The following CBLN2 variants were observed in gnomAD, a reference collection of about 807,000 sequenced individuals.
CBLN2 encodes the protein cerebellin 2 precursor.
CBLN2 carries 7 observed loss-of-function variants against 15.0 expected under a neutral mutation model. The ratio of observed to expected loss-of-function variants is 0.47; its 90% CI spans 0.27 to 0.88. CBLN2 has a LOEUF of 0.88. Ranked by LOEUF, CBLN2 falls within the 40% of genes least tolerant of loss-of-function variation. CBLN2 has a pLI of 0.14. For missense variants in CBLN2, 242 were observed against 304.5 expected (o/e 0.79, Z 1.53); for synonymous variants, 149 against 135.2 (o/e 1.10, Z -0.71).
intron 1 of CBLN2, among the ~76,000 whole-genome samples, chr18:72,555,600 CT>C (rs1001240890): frequency 1.3e-5 from 2 of 152,118 alleles, no homozygotes; most frequent in African/African-American, 4.8e-5. Context: ...CAGTAATCTA[CT>C]TTTTCCATTT....
intron 1 of CBLN2, among the ~76,000 whole-genome samples, chr18:72,592,314 C>T (rs2069485046): frequency 6.6e-6 from 1 of 151,706 alleles, no homozygotes. Flanking sequence ...TTTAAATATC[C>T]ATCCAGATCT....
chr18:72,611,736 CT>C (rs1469083061), intron 1 of CBLN2, among the ~76,000 whole-genome samples: 4 of 152,136 alleles, frequency 2.6e-5, no homozygotes, highest in African/African-American at 9.7e-5. Context: ...GGCAGAAGCT[CT>C]TTAGTTTAAT....
At chr18:72,608,790 T>A (rs1351289919) in intron 1 of CBLN2, among the ~76,000 whole-genome samples, 2 of 152,112 alleles carry the variant, frequency 1.3e-5, no homozygotes, top group Non-Finnish European at 2.9e-5. Context: ...GGGTAACCTA[T>A]AAAGGAAAGA....
chr18:72,538,010 A>C lies in CBLN2; in HGVS notation c.*166T>G. On this transcript the variant is annotated 3_prime_UTR_variant, in exon 5 of 5. Transcript: ENST00000269503. ...CCGAGGAATTGTCAGTATTCCAAAAAACAAAAACAAAAGTACTGGAGGTTT... is the reference window on the plus strand; with the variant it reads ...CCGAGGAATTGTCAGTATTCCAAAACACAAAAACAAAAGTACTGGAGGTTT... 1 of 688,944 alleles carries C rather than the reference A, an allele frequency of 1.5e-6. No homozygotes were observed. Among genetic ancestry groups the C allele is most frequent in the Non-Finnish European group, 2.4e-6 (1 of 410,382 alleles). The allele number at this position is 688,944 out of a possible 1,614,324, so 42.7% of individuals were successfully genotyped here.
intron 1 of CBLN2, among the ~76,000 whole-genome samples, chr18:72,621,947 C>G (rs7230930): frequency 9.0e-4 from 137 of 152,214 alleles, no homozygotes; most frequent in African/African-American, 3.2e-3. Context: ...AACCCAAGAT[C>G]GAGTGGAACA....
intron 1 of CBLN2, among the ~76,000 whole-genome samples, chr18:72,587,330 C>G (rs1036821250): frequency 7.2e-5 from 11 of 151,896 alleles, no homozygotes; most frequent in Non-Finnish European, 8.8e-5. Context: ...TAAGTTATTC[C>G]TTTACTTTGT....
At chr18:72,621,454 C>T (rs1050138642) in intron 1 of CBLN2, among the ~76,000 whole-genome samples, 1 of 152,120 alleles carries the variant, frequency 6.6e-6, no homozygotes, top group African/African-American at 2.4e-5. Flanking sequence ...AATATCTCCT[C>T]TTTTTGACAA....
At chr18:72,634,644 G>A (rs1338367495) in intron 1 of CBLN2, among the ~76,000 whole-genome samples, 1 of 152,072 alleles carries the variant, frequency 6.6e-6, no homozygotes, top group Non-Finnish European at 1.5e-5. Flanking sequence ...ACACTATTCT[G>A]CATGGCAGGC....
chr18:72,619,936 C>A (rs2069688662), intron 1 of CBLN2, among the ~76,000 whole-genome samples: 1 of 152,218 alleles, frequency 6.6e-6, no homozygotes, highest in Admixed American at 6.5e-5. Context: ...CTGAAGTGAG[C>A]ACTTTTAGGC....
intron 1 of CBLN2, among the ~76,000 whole-genome samples, chr18:72,575,245 C>T (rs1012105619): frequency 6.6e-6 from 1 of 151,982 alleles, no homozygotes; most frequent in Non-Finnish European, 1.5e-5. Flanking sequence ...CAGAGATTGG[C>T]CATGGCTGTG....
chr18:72,568,059 T>A (rs558243989), intron 1 of CBLN2, among the ~76,000 whole-genome samples: 1 of 152,324 alleles, frequency 6.6e-6, no homozygotes, highest in Non-Finnish European at 1.5e-5. Context: ...TCATTTCTTG[T>A]CACTTTTTAT....
chr18:72,603,434 T>C (rs953232190), intron 1 of CBLN2, among the ~76,000 whole-genome samples: 11 of 152,140 alleles, frequency 7.2e-5, no homozygotes, highest in Admixed American at 5.2e-4. Flanking sequence ...ATAGGCAGCA[T>C]AGTGGAGATC....
At chr18:72,547,071 T>C (rs528341506), upstream of CBLN2, among the ~76,000 whole-genome samples, 17 of 151,312 alleles carry the variant, frequency 1.1e-4, no homozygotes, top group South Asian at 3.5e-3. Flanking sequence ...ATGGAATAAA[T>C]CTAAGTGTCC....
intron 4 of CBLN2, 132 bp downstream of exon 4, chr18:72,538,521 T>C: frequency 6.9e-7 from 1 of 1,447,298 alleles, no homozygotes; most frequent in Non-Finnish European, 9.6e-7. Flanking sequence ...TCCCAGCTAG[T>C]TCAGAGCCAC....
intron 1 of CBLN2, among the ~76,000 whole-genome samples, chr18:72,601,467 C>G (rs2069547721): frequency 6.6e-6 from 1 of 152,176 alleles, no homozygotes; most frequent in South Asian, 2.1e-4. Context: ...ATAGATTCCC[C>G]TTACACAGCA....
rs536347383 is a variant in CBLN2, at chr18:72,617,025, C to T, written c.15+21300G>A. ...AAATGCTTATTTAAATTGTATATTC[C>T]TAATTTCTCAGAAATTAAGAAAATT... is the stretch of plus-strand genomic sequence containing the variant. On this transcript the variant is annotated intron_variant, in intron 1 of 2. Coordinates refer to the CBLN2 transcript ENST00000581073. Among the ~76,000 whole-genome samples the T allele has an allele frequency of 7.2e-5, 11 of 152,028 alleles. No individual in the cohort carries two copies. In the South Asian group the frequency reaches 1.2e-3, roughly 17 times the overall value.
chr18:72,568,171 G>A (rs183724625), intron 1 of CBLN2, among the ~76,000 whole-genome samples: 1 of 151,972 alleles, frequency 6.6e-6, no homozygotes, highest in Admixed American at 6.6e-5. Flanking sequence ...TAAGCCACTG[G>A]GACTCTCTAG....
chr18:72,561,246 A>C (rs1039791804), intron 1 of CBLN2, among the ~76,000 whole-genome samples: 4 of 147,670 alleles, frequency 2.7e-5, no homozygotes, highest in African/African-American at 1.0e-4. Context: ...AACAACCCAA[A>C]AAAAAAAAAA....
At chr18:72,550,036 A>T (rs985337750) in intron 1 of CBLN2, among the ~76,000 whole-genome samples, 8 of 152,218 alleles carry the variant, frequency 5.3e-5, no homozygotes, top group African/African-American at 1.7e-4. Context: ...CTATACACAT[A>T]TACAAAAGCA....
Sources: allele counts gnomAD v4.1 joint callset (sites outside exome capture counted in the v4.1 genomes callset), GRCh38; gene constraint gnomAD v4.1.1; transcripts MANE v1.5; gene names NCBI Gene and HGNC (gene_info 2026-07-23, HGNC 2026-07-21).